The following JPH1 variants were observed in gnomAD, a reference collection of about 807,000 sequenced individuals.
The protein encoded by JPH1 is junctophilin-1.
JPH1 carries 12 observed loss-of-function variants against 53.6 expected under a neutral mutation model. That is an observed-to-expected ratio of 0.22 (90% CI 0.14 to 0.36). The LOEUF (loss-of-function observed/expected upper bound fraction) is 0.36. Among genes scored for constraint, JPH1 ranks in the 10% least tolerant of loss-of-function variants. The pLI is 1.00. For synonymous variants in JPH1, 375 were observed against 363.8 expected, an observed-to-expected ratio of 1.03 and a Z score of -0.35; for missense variants, 808 against 905.5, an observed-to-expected ratio of 0.89 and a Z score of 1.38.
At chr8:74,263,240 C>G (rs1806443374) in intron 2 of JPH1, among the ~76,000 whole-genome samples, 1 of 152,114 alleles carries the variant, frequency 6.6e-6, no homozygotes, top group Non-Finnish European at 1.5e-5. Context: ...AGGTGAAGCG[C>G]TATTTCTACT....
intron 3 of JPH1, among the ~76,000 whole-genome samples, chr8:74,247,943 T>C (rs922848210): frequency 5.9e-5 from 9 of 152,202 alleles, no homozygotes; most frequent in African/African-American, 2.2e-4. Context: ...TATAGGTGGA[T>C]AGGCCAAGGT....
At chr8:74,285,227 C>G (rs1807128490) in intron 2 of JPH1, among the ~76,000 whole-genome samples, 1 of 152,060 alleles carries the variant, frequency 6.6e-6, no homozygotes, top group Admixed American at 6.6e-5. Context: ...AGACCTGATT[C>G]TGCTATTAAC....
Position 74,320,113 on chromosome 8 carries a change from G to C in JPH1, c.379+796C>G, listed in dbSNP as rs1808271537. On this transcript the variant is annotated intron_variant, in intron 1 of 5. Transcript: ENST00000342232. The surrounding 1 kb of genome is among the most constrained non-coding windows in gnomAD (Gnocchi z 4.4). ...GTAGCTGCTAACTTAGCAGCTATAGGAACACACCTGCTAATTGTATTCTTT... is the reference window on the plus strand; with the variant it reads ...GTAGCTGCTAACTTAGCAGCTATAGCAACACACCTGCTAATTGTATTCTTT... 6.6e-6 allele frequency among the ~76,000 whole-genome samples: 1 copy of C among 152,144 alleles called. No homozygotes were observed. Among genetic ancestry groups the C allele is most frequent in the Non-Finnish European group, 1.5e-5 (1 of 68,020 alleles).
At chr8:74,243,667 G>C (rs1805762784) in intron 4 of JPH1, among the ~76,000 whole-genome samples, 1 of 152,144 alleles carries the variant, frequency 6.6e-6, no homozygotes, top group Non-Finnish European at 1.5e-5. Flanking sequence ...CTGTTCTAAA[G>C]GGATGTGATC....
At chr8:74,279,859 G>C (rs1806959599) in intron 2 of JPH1, among the ~76,000 whole-genome samples, 1 of 152,088 alleles carries the variant, frequency 6.6e-6, no homozygotes, top group Non-Finnish European at 1.5e-5. Context: ...GAGTTCTAAA[G>C]TTCCCTTCAA....
chr8:74,283,151 G>A (rs16938850), intron 2 of JPH1, among the ~76,000 whole-genome samples: 2 of 152,044 alleles, frequency 1.3e-5, no homozygotes, highest in Non-Finnish European at 2.9e-5. Context: ...TGCACCAGGG[G>A]TACATATGGC....
intron 2 of JPH1, among the ~76,000 whole-genome samples, chr8:74,305,447 A>G (rs962084359): frequency 6.6e-6 from 1 of 152,312 alleles, no homozygotes; most frequent in East Asian, 1.9e-4. Flanking sequence ...AAAACATAGG[A>G]GTAGGGTGGT....
At chr8:74,257,156 G>A (rs1248806447) in intron 3 of JPH1, among the ~76,000 whole-genome samples, 1 of 152,220 alleles carries the variant, frequency 6.6e-6, no homozygotes, top group African/African-American at 2.4e-5. Context: ...GTGTGTCAAA[G>A]GGGACTGCAG....
At chr8:74,301,648 T>C (rs944634660) in intron 2 of JPH1, among the ~76,000 whole-genome samples, 3 of 152,204 alleles carry the variant, frequency 2.0e-5, no homozygotes, top group Admixed American at 1.3e-4. Context: ...GGCCACTGTT[T>C]GCTCCCTAAC....
chr8:74,259,767 G>C lies in JPH1; in HGVS notation c.1140-264C>G, dbSNP rs143575606. The stretch of plus-strand genomic sequence containing the variant: ...GTCTGTGTAGCTTGATGCTAAGTGT[G>C]GTTTTCAAAACTTACTGGATCAAAT... On this transcript the variant is annotated intron_variant, in intron 2 of 5. Transcript: ENST00000342232. Among the ~76,000 whole-genome samples the C allele has an allele frequency of 4.7e-3, 712 of 152,258 alleles. 4 individuals are homozygous for C. Among genetic ancestry groups the C allele is most frequent in the Non-Finnish European group, 7.5e-3 (510 of 68,006 alleles).
intron 3 of JPH1, 138 bp from the exon 4 acceptor site, chr8:74,245,313 G>A: frequency 1.4e-6 from 1 of 739,886 alleles, no homozygotes. Context: ...CATTCTCTGG[G>A]GAAAAGTTTA....
intron 2 of JPH1, among the ~76,000 whole-genome samples, chr8:74,264,175 G>A (rs1340524922): frequency 1.3e-5 from 2 of 152,210 alleles, no homozygotes; most frequent in African/African-American, 4.8e-5. Flanking sequence ...TGACGAAGCT[G>A]ATAAAGACTT....
chr8:74,290,543 T>C (rs1807293544), intron 2 of JPH1, among the ~76,000 whole-genome samples: 1 of 152,160 alleles, frequency 6.6e-6, no homozygotes, highest in African/African-American at 2.4e-5. Flanking sequence ...GTTGTGAAAA[T>C]GGCTATACTG....
At chr8:74,303,878 C>T (rs575003348) in intron 2 of JPH1, among the ~76,000 whole-genome samples, 4 of 152,314 alleles carry the variant, frequency 2.6e-5, no homozygotes, top group Admixed American at 1.3e-4. Context: ...TAGCCTTCCC[C>T]TATCCTTGGG....
intron 2 of JPH1, among the ~76,000 whole-genome samples, chr8:74,298,922 A>G (rs1300551580): frequency 6.6e-6 from 1 of 152,240 alleles, no homozygotes; most frequent in African/African-American, 2.4e-5. Context: ...AATGGGAGCC[A>G]TTACGAAACA....
At chr8:74,251,709 T>C (rs1586735905) in intron 3 of JPH1, among the ~76,000 whole-genome samples, 1 of 152,192 alleles carries the variant, frequency 6.6e-6, no homozygotes, top group African/African-American at 2.4e-5. Flanking sequence ...AGAGGCTATG[T>C]TTTTTCTTTA....
At chr8:74,256,746 A>G (rs1806251824) in intron 3 of JPH1, among the ~76,000 whole-genome samples, 1 of 152,258 alleles carries the variant, frequency 6.6e-6, no homozygotes, top group African/African-American at 2.4e-5. Context: ...CGATCATTAA[A>G]AAGTCAGGAA....
chr8:74,261,607 G>C (rs775257149), intron 2 of JPH1, among the ~76,000 whole-genome samples: 2 of 152,168 alleles, frequency 1.3e-5, no homozygotes, highest in African/African-American at 4.8e-5. Flanking sequence ...GCTGAGGTAC[G>C]ATGGGTAATG....
At chr8:74,294,362 G>C (rs922855849) in intron 2 of JPH1, among the ~76,000 whole-genome samples, 1 of 149,928 alleles carries the variant, frequency 6.7e-6, no homozygotes, top group Non-Finnish European at 1.5e-5. Flanking sequence ...TTTGAACACT[G>C]TCCAGGTAGA....
Sources: gnomAD v4.1 joint callset for allele counts (sites outside exome capture counted in the v4.1 genomes callset) on GRCh38, gnomAD v4.1.1 for gene constraint, Gnocchi (gnomAD v3.1) non-coding constraint, MANE v1.5 for transcripts, NCBI Gene and HGNC (gene_info 2026-07-23, HGNC 2026-07-21) for gene names.